Variants in DDX24 observed in about 807,000 individuals in gnomAD.
The protein encoded by DDX24 is DEAD-box helicase 24.
A neutral mutation model predicts 68.9 loss-of-function variants in DDX24; 24 were observed. That is an observed-to-expected ratio of 0.35 (90% CI 0.25 to 0.49). The LOEUF (loss-of-function observed/expected upper bound fraction) is 0.49, where lower values mean the gene tolerates loss of function less well. Ranked by LOEUF, DDX24 falls within the 20% of genes least tolerant of loss-of-function variation. DDX24 has a pLI of 0.99. For synonymous variants in DDX24, 395 were observed against 385.2 expected, an observed-to-expected ratio of 1.03 and a Z score of -0.30; for missense variants, 989 against 1,039.0, an observed-to-expected ratio of 0.95 and a Z score of 0.66.
chr14:94,069,755 C>A (rs1046582733), intron 2 of DDX24, among the ~76,000 whole-genome samples: 1 of 152,008 alleles, frequency 6.6e-6, no homozygotes, highest in African/African-American at 2.4e-5. Flanking sequence ...AGTTAAAAAC[C>A]AAAATCACAT....
intron 2 of DDX24, among the ~76,000 whole-genome samples, chr14:94,072,604 C>T (rs1408194092): frequency 2.0e-5 from 3 of 152,148 alleles, no homozygotes; most frequent in Non-Finnish European, 2.9e-5. Flanking sequence ...CCGAGGTGGG[C>T]AGATTACTTG....
intron 2 of DDX24, among the ~76,000 whole-genome samples, chr14:94,069,477 T>C (rs10134327): frequency 0.61 from 93,485 of 152,088 alleles, 31,981 homozygotes; most frequent in East Asian, 0.94. Flanking sequence ...TTCTACGAGA[T>C]GGAGAAAGAA....
At position 94,051,309 on chromosome 14, in the gene DDX24, G is replaced by C. The variant is rs781181924; in HGVS notation, c.2462C>G (p.Ser821Cys). The change falls in exon 9 of 9, where the codon TCT (serine) becomes TGT (cysteine). Residue 821 changes from serine (S) to cysteine (C), a missense_variant. Transcript: ENST00000621632. ...AGCAGACTCGCTCTTACTTGGGGCA[G>C]ACACAAGCAGGGGCGGCTTGCCAGA... ...TQSGKPPLLVSAPSKSESALS... is the reference protein window; with the variant it reads ...TQSGKPPLLVCAPSKSESALS... The C allele has an allele frequency of 6.2e-7, 1 of 1,613,348 alleles. No homozygotes were observed. The highest frequency in any genetic ancestry group is 1.1e-5 in the South Asian group (1 of 90,954).
intron 2 of DDX24, among the ~76,000 whole-genome samples, chr14:94,078,191 G>A (rs28760424): frequency 0.021 from 3,227 of 152,256 alleles, 107 homozygotes; most frequent in African/African-American, 0.074. Flanking sequence ...GCCTATATAG[G>A]TTATATGTAA....
At chr14:94,073,282 G>A (rs541258769) in intron 2 of DDX24, among the ~76,000 whole-genome samples, 3 of 151,816 alleles carry the variant, frequency 2.0e-5, no homozygotes, top group African/African-American at 4.8e-5. Context: ...AGACAGTTTC[G>A]CCATGTTGGC....
Position 94,060,129 on chromosome 14 carries a change from T to C in DDX24, c.1882A>G (p.Arg628Gly). ...AGACGGGCAAACTGCTCCAGGTTTC[T>C]GAGCCTCTGCTTCTGGTGCATACAG... Reference protein sequence around the residue: ...HACMHQKQRLRNLEQFARLED... With the variant: ...HACMHQKQRLGNLEQFARLED... Residue 628 changes from arginine to glycine, a missense_variant, in exon 5 of 9, where the codon AGA (arginine) becomes GGA (glycine). Around this residue, in one of 3 missense-constraint regions of DDX24, gnomAD observed 691 missense variants for 760.0 expected, o/e 0.91. Coordinates refer to ENST00000621632, the MANE Select transcript of DDX24 (RefSeq NM_020414.4). The C allele has an allele frequency of 6.2e-7, 1 of 1,613,608 alleles. No individual in the cohort carries two copies. The highest frequency in any genetic ancestry group is 8.5e-7 in the Non-Finnish European group (1 of 1,179,548).
intron 1 of DDX24, 78 bp from the exon 2 acceptor site, chr14:94,079,825 A>C (rs1181712334): frequency 2.5e-5 from 33 of 1,321,296 alleles, no homozygotes; most frequent in Non-Finnish European, 3.4e-5. Flanking sequence ...TTTTCTAAGC[A>C]ACTAGGCCCT....
chr14:94,061,204 C>G, intron 3 of DDX24, 138 bp from the exon 4 acceptor site: 1 of 988,204 alleles, frequency 1.0e-6, no homozygotes, highest in East Asian at 2.4e-5. Context: ...AAAGAGCAGG[C>G]CTGGCCAGAC....
rs1886011679 is a variant in DDX24, at chr14:94,079,407, G to C, written c.336C>G (p.Thr112=). ...TCACTTCAAATTCTTTCTGGGTACT[G>C]GTTCCTTCAGTTGCTACATTTTTAC... ...KKSKNVATEG[T]STQKEFEVKD... Residue 112 remains threonine (T), a synonymous_variant, in exon 2 of 9, where the codon ACC becomes ACG. Transcript: ENST00000621632. The C allele has an allele frequency of 6.2e-7, 1 of 1,613,880 alleles. No homozygotes were observed.
Position 94,061,046 on chromosome 14 carries a change from C to T in DDX24, c.1264G>A (p.Val422Ile), listed in dbSNP as rs533177297. 4 of 1,614,152 alleles carry T rather than the reference C, an allele frequency of 2.5e-6. No individual in the cohort carries two copies. In the Admixed American group the frequency reaches 5.0e-5, roughly 20 times the overall value. The change falls in exon 4 of 9, where the codon GTT (valine) becomes ATT (isoleucine). Residue 422 changes from valine (V) to isoleucine (I), a missense_variant. Transcript: ENST00000621632. ...TGTTTCTGCGTGGACATTCCACCAA[C>T]CAAAATAGCAGTTTTAATTCCTATG... ...RFTGIKTAIL[V>I]GGMSTQKQQR... is the part of the protein sequence containing the mutation.
chr14:94,079,801 T>G (rs1886024943), intron 1 of DDX24, 54 bp from the exon 2 acceptor site: 6 of 1,507,512 alleles, frequency 4.0e-6, no homozygotes, highest in Admixed American at 1.8e-5. Flanking sequence ...CAGAGGGTTC[T>G]GATGTAACAA....
Position 94,061,014 on chromosome 14 carries a change from C to T in DDX24, c.1296G>A (p.Arg432=), listed in dbSNP as rs565738001. The T allele has an allele frequency of 9.3e-6, 15 of 1,614,212 alleles. No individual in the cohort carries two copies. The Admixed American group carries it at 2.2e-4, about 23-fold the overall frequency. Residue 432 remains arginine, a synonymous_variant, in exon 4 of 9, where the codon AGG becomes AGA. Transcript: ENST00000621632. ...VGGMSTQKQQ[R]MLNRRPEIVV... ...CAATCTCAGGACGACGGTTCAGCAT[C>T]CTCTGCTGTTTCTGCGTGGACATTC...
At chr14:94,059,606 A>G (rs1311635170) in intron 5 of DDX24, among the ~76,000 whole-genome samples, 3 of 152,258 alleles carry the variant, frequency 2.0e-5, no homozygotes, top group Non-Finnish European at 2.9e-5. Context: ...ATCAATCTTC[A>G]TAACAACCCT....
chr14:94,070,119 G>A (rs1885799252), intron 2 of DDX24, among the ~76,000 whole-genome samples: 1 of 152,036 alleles, frequency 6.6e-6, no homozygotes, highest in African/African-American at 2.4e-5. Flanking sequence ...AAAATCCTAA[G>A]GACTCCTCCA....
In DDX24 at chr14:94,061,092, A is replaced by G. The variant is rs1236997926; in HGVS notation, c.1244-26T>C. ...CTATGGGACAGAAAACATAAGGGAC[A>G]CTTATTCAATCTGGGTGATCATTTT... On this transcript the variant is annotated intron_variant, in intron 3 of 8. Coordinates refer to ENST00000621632, the MANE Select transcript of DDX24 (RefSeq NM_020414.4). 6 of 1,610,172 alleles carry G rather than the reference A, an allele frequency of 3.7e-6. No homozygotes were observed. The East Asian group carries it at 8.9e-5, about 24-fold the overall frequency.
At chr14:94,070,617 A>C (rs954338067) in intron 2 of DDX24, among the ~76,000 whole-genome samples, 4 of 152,250 alleles carry the variant, frequency 2.6e-5, no homozygotes, top group Admixed American at 6.5e-5. Flanking sequence ...CTATACTATA[A>C]GCCCATAGTC....
chr14:94,062,063 T>C, intron 3 of DDX24, 34 bp downstream of exon 3: 2 of 1,562,790 alleles, frequency 1.3e-6, no homozygotes, highest in Non-Finnish European at 1.7e-6. Flanking sequence ...GGGATTTACC[T>C]AGAAAATATT....
intron 7 of DDX24, among the ~76,000 whole-genome samples, chr14:94,054,269 C>T (rs182005799): frequency 1.5e-3 from 236 of 152,298 alleles, no homozygotes; most frequent in African/African-American, 3.5e-3. Context: ...CTTTTCCATC[C>T]TTATCTCCAC....
chr14:94,057,717 G>T (rs1885516098), intron 6 of DDX24, 105 bp downstream of exon 6: 2 of 1,075,364 alleles, frequency 1.9e-6, no homozygotes, highest in African/African-American at 3.2e-5. Flanking sequence ...ATTCTCTGAT[G>T]CAAGAGCCTT....
Sources: allele counts gnomAD v4.1 joint callset (sites outside exome capture counted in the v4.1 genomes callset), GRCh38; gene constraint gnomAD v4.1.1; regional missense constraint gnomAD v4.1.1; transcripts MANE v1.5; gene names NCBI Gene and HGNC (gene_info 2026-07-23, HGNC 2026-07-21).